ITGAX: variants seen among roughly 807,000 people sequenced by gnomAD.
The protein encoded by ITGAX is integrin alpha-X.
Under a neutral mutation model 140.2 loss-of-function variants are expected in ITGAX, and 99 were observed. The observed-to-expected ratio is 0.71, with a 90% CI of 0.60 to 0.83. The LOEUF is 0.83. Ranked by LOEUF, ITGAX falls within the 40% of genes least tolerant of loss-of-function variation. The probability of loss-of-function intolerance (pLI) is 0.00; values close to 1 mark genes in which losing one functional copy is unlikely to be tolerated. For synonymous variants in ITGAX, 631 were observed against 600.4 expected (o/e 1.05, Z -0.75); for missense variants, 1,444 against 1,482.0 (o/e 0.97, Z 0.42).
In ITGAX at chr16:31,380,538, G is replaced by C; in HGVS notation, c.3190G>C (p.Val1064Leu). The C allele has an allele frequency of 6.2e-7, 1 of 1,614,248 alleles. No individual in the cohort carries two copies. Among genetic ancestry groups the C allele is most frequent in the Non-Finnish European group, 8.5e-7 (1 of 1,180,052 alleles). ...CCCTTTGCAGATATTGCAGAAGAAG[G>C]TGTCGGTCGTGAGTGTGGCTGAAAT... ...GWVRQILQKK[V>L]SVVSVAEITF... The change falls in exon 28 of 30, where the codon GTG becomes CTG. Residue 1064 changes from valine to leucine, a missense_variant. Physicochemically the swap from Val to Leu is conservative, Grantham distance 32. Coordinates refer to ENST00000268296, the MANE Select transcript of ITGAX (RefSeq NM_000887.5).
chr16:31,361,346 T>G, intron 9 of ITGAX, 133 bp downstream of exon 9: 1 of 1,042,298 alleles, frequency 9.6e-7, no homozygotes. Flanking sequence ...GATAGCCATG[T>G]CTGTCAGCTT....
chr16:31,371,860 G>A, intron 17 of ITGAX, 76 bp downstream of exon 17: 1 of 1,537,888 alleles, frequency 6.5e-7, no homozygotes, highest in Non-Finnish European at 8.8e-7. Flanking sequence ...AACAGGCTGT[G>A]TTCCGGCCTC....
At chr16:31,375,138 C>T (rs998918143) in intron 20 of ITGAX, among the ~76,000 whole-genome samples, 20 of 152,336 alleles carry the variant, frequency 1.3e-4, no homozygotes, top group African/African-American at 4.8e-4. Context: ...GCCTCAGCCT[C>T]CTGAGTAGCT....
rs1457208959 is a variant in ITGAX at position 31,359,761 on chromosome 16, C to G, written c.492C>G (p.Ser164=). Residue 164 remains serine (S), a synonymous_variant, in exon 6 of 30, where the codon TCC becomes TCG. Coordinates refer to ENST00000268296, the MANE Select transcript of ITGAX (RefSeq NM_000887.5). The stretch of plus-strand genomic sequence containing the variant: ...TCGATGGCTCAGGCAGCATCTCCTC[C>G]CGCAACTTTGCCACGATGATGAACT... ...FLIDGSGSIS[S]RNFATMMNFV... 1 of 1,614,156 alleles carries G rather than the reference C, an allele frequency of 6.2e-7. No homozygotes were observed. The highest frequency in any genetic ancestry group is 8.5e-7 in the Non-Finnish European group (1 of 1,180,030).
At chr16:31,381,672 A>G in intron 29 of ITGAX, 131 bp from the exon 30 acceptor site, 1 of 669,942 alleles carries the variant, frequency 1.5e-6, no homozygotes, top group Non-Finnish European at 2.7e-6. Context: ...CATGATGCAT[A>G]TAAAGTTCCT....
chr16:31,356,090 T>C, intron 2 of ITGAX, 92 bp downstream of exon 2: 1 of 874,506 alleles, frequency 1.1e-6, no homozygotes, highest in Non-Finnish European at 1.8e-6. Context: ...ATTTGCAAAC[T>C]CTCCTCTCTG....
chr16:31,363,157 T>C lies in ITGAX; in HGVS notation c.1501-8T>C. The C allele has an allele frequency of 6.2e-7, 1 of 1,609,070 alleles. No individual in the cohort carries two copies. Among genetic ancestry groups the C allele is most frequent in the Non-Finnish European group, 8.5e-7 (1 of 1,177,732 alleles). The stretch of plus-strand genomic sequence containing the variant: ...CGGGTTGGGCCTGGCACTGCTTTTT[T>C]TCTGCAGTGGAGAAGGTGGTGGTGT... On this transcript the variant is annotated splice_polypyrimidine_tract_variant and splice_region_variant and intron_variant, in intron 13 of 29. Coordinates refer to ENST00000268296, the MANE Select transcript of ITGAX (RefSeq NM_000887.5).
chr16:31,372,169 G>C lies in ITGAX; in HGVS notation c.2161-209G>C, dbSNP rs373827057. On this transcript the variant is annotated intron_variant, in intron 17 of 29. Coordinates refer to ENST00000268296, the MANE Select transcript of ITGAX (RefSeq NM_000887.5). ...GTCATTGCTGATCGGGAGGTCTGGG[G>C]GGGGGGAGGAAAAAAACAAAGACAA... is the stretch of plus-strand genomic sequence containing the variant. Among the ~76,000 whole-genome samples the C allele has an allele frequency of 3.4e-3, 514 of 150,794 alleles. 3 individuals carry two copies. Among genetic ancestry groups the C allele is most frequent in the African/African-American group, 0.01 (419 of 40,662 alleles).
In ITGAX at chr16:31,373,370, C is replaced by G; in HGVS notation, c.2488C>G (p.Arg830Gly). Residue 830 changes from arginine (R) to glycine (G), a missense_variant, in exon 20 of 30, where the codon CGC becomes GGC. Physicochemically the swap from Arg to Gly is moderately radical, Grantham distance 125. Transcript: ENST00000268296. Reference sequence around the variant, plus strand: ...CTCCCACCCCGCAGGACTGTCCTACCGCTACGTGGCAGAGGGCCAGGTGCA... The same window carrying G: ...CTCCCACCCCGCAGGACTGTCCTACGGCTACGTGGCAGAGGGCCAGGTGCA... ...TFSHPAGLSY[R>G]YVAEGQKQGQ... 1.9e-6 allele frequency: 3 copies of G among 1,612,096 alleles called. No individual in the cohort carries two copies. Among genetic ancestry groups the G allele is most frequent in the Non-Finnish European group, 2.5e-6 (3 of 1,179,422 alleles).
In ITGAX at chr16:31,377,063, A is replaced by G; in HGVS notation, c.2689A>G (p.Thr897Ala). Reference sequence around the variant, plus strand: ...TGTCCTGGGAGACCGGCTGCTTCTGACAGCCAATGTGAGCAGGTGAGCCGG... The same window carrying G: ...TGTCCTGGGAGACCGGCTGCTTCTGGCAGCCAATGTGAGCAGGTGAGCCGG... ...KAVLGDRLLL[T>A]ANVSSENNTP... The change falls in exon 22 of 30, where the codon ACA (threonine) becomes GCA (alanine). Residue 897 changes from threonine to alanine, a missense_variant. Thr to Ala is a moderately conservative substitution (Grantham distance 58). Transcript: ENST00000268296. 1 of 1,614,122 alleles carries G rather than the reference A, an allele frequency of 6.2e-7. No homozygotes were observed. The highest frequency in any genetic ancestry group is 8.5e-7 in the Non-Finnish European group (1 of 1,180,012).
At chr16:31,363,433 G>T (rs2080859885) in intron 14 of ITGAX, 59 bp downstream of exon 14, 1 of 1,576,820 alleles carries the variant, frequency 6.3e-7, no homozygotes, top group Non-Finnish European at 8.7e-7. Context: ...CTCCCACTCT[G>T]TCATACTGGA....
In ITGAX at chr16:31,371,191, C is replaced by T. The variant is rs754292886; in HGVS notation, c.1818C>T (p.Ala606=). 6.2e-7 allele frequency: 1 copy of T among 1,610,662 alleles called. No homozygotes were observed. The highest frequency in any genetic ancestry group is 2.2e-5 in the East Asian group (1 of 44,852). ...GACTGGTGGACCTGGCTGTGGGGGC[C>T]CGGGGCCAGGTGCTCCTGCTCAGGT... ...QDGLVDLAVG[A]RGQVLLLRTR... is the part of the protein sequence containing the mutation. Residue 606 remains alanine (A), a synonymous_variant, in exon 15 of 30, where the codon GCC becomes GCT. Coordinates refer to ENST00000268296, the MANE Select transcript of ITGAX (RefSeq NM_000887.5).
intron 23 of ITGAX, 127 bp from the exon 24 acceptor site, chr16:31,379,441 C>T (rs890688112): frequency 3.3e-6 from 3 of 897,096 alleles, no homozygotes; most frequent in East Asian, 2.7e-5. Flanking sequence ...TAACCTAACT[C>T]AGCCACAGCC....
At chr16:31,356,167 C>G (rs2080758026) in intron 2 of ITGAX, 169 bp downstream of exon 2, 1 of 567,242 alleles carries the variant, frequency 1.8e-6, no homozygotes, top group Non-Finnish European at 3.1e-6. Flanking sequence ...TCACAGCTAA[C>G]ATTTACAGAG....
intron 14 of ITGAX, among the ~76,000 whole-genome samples, chr16:31,366,303 T>C (rs945589834): frequency 6.6e-6 from 1 of 152,168 alleles, no homozygotes; most frequent in African/African-American, 2.4e-5. Context: ...ATTGTCCTCT[T>C]TTTGGGGCAC....
Position 31,372,522 on chromosome 16 carries a change from A to G in ITGAX, c.2292+13A>G, listed in dbSNP as rs1176360707. On this transcript the variant is annotated intron_variant, in intron 18 of 29. Transcript: ENST00000268296. ...CTTCACGGCCTCCGTGAGTCCTGGCACTGGGTCTCCCAGAGAGGGTGCACA... is the reference window on the plus strand; with the variant it reads ...CTTCACGGCCTCCGTGAGTCCTGGCGCTGGGTCTCCCAGAGAGGGTGCACA... The G allele has an allele frequency of 1.9e-6, 3 of 1,611,412 alleles. No homozygotes were observed. Among genetic ancestry groups the G allele is most frequent in the Non-Finnish European group, 2.5e-6 (3 of 1,179,134 alleles).
In ITGAX at chr16:31,381,012, G is replaced by C; in HGVS notation, c.3387+5G>C. Reference sequence around the variant, plus strand: ...ATCACAGCGGTACTGTACAAAGTGAGTGTTTTATGCCACTCTTGACACCAC... The same window carrying C: ...ATCACAGCGGTACTGTACAAAGTGACTGTTTTATGCCACTCTTGACACCAC... On this transcript the variant is annotated splice_donor_5th_base_variant and intron_variant, in intron 29 of 29. Transcript: ENST00000268296. 1 of 1,608,368 alleles carries C rather than the reference G, an allele frequency of 6.2e-7. No individual in the cohort carries two copies. The highest frequency in any genetic ancestry group is 8.5e-7 in the Non-Finnish European group (1 of 1,174,814).
chr16:31,380,311 T>C lies in ITGAX; in HGVS notation c.3106T>C (p.Ser1036Pro). ...GCLRFRCDVP[S>P]FSVQEELDFT... ...CCTGCGGTTCCGCTGTGACGTCCCC[T>C]CCTTCAGCGTCCAGGAGGAGCTGGA... Residue 1036 changes from serine to proline, a missense_variant, in exon 27 of 30, where the codon TCC (serine) becomes CCC (proline). By Grantham distance (74) the Ser-to-Pro change is moderately conservative. Transcript: ENST00000268296. 1 of 1,614,208 alleles carries C rather than the reference T, an allele frequency of 6.2e-7. No individual in the cohort carries two copies.
At chr16:31,357,487 G>A (rs2080776512) in intron 5 of ITGAX, 123 bp downstream of exon 5, 4 of 657,496 alleles carry the variant, frequency 6.1e-6, no homozygotes, top group Admixed American at 2.9e-5. Flanking sequence ...GAGTTACCAC[G>A]TGTTGCAGTG....
Sources: allele counts gnomAD v4.1 joint callset (sites outside exome capture counted in the v4.1 genomes callset), GRCh38; gene constraint gnomAD v4.1.1; transcripts MANE v1.5; gene names NCBI Gene and HGNC (gene_info 2026-07-23, HGNC 2026-07-21).